Variants in HECTD4 observed in about 807,000 individuals in gnomAD.
HECTD4 encodes the protein HECT domain E3 ubiquitin protein ligase 4.
HECTD4 carries 114 observed loss-of-function variants against 471.5 expected under a neutral mutation model. The observed-to-expected ratio is 0.24, with a 90% CI of 0.21 to 0.28. HECTD4 has a LOEUF of 0.28. Ranked by LOEUF, HECTD4 falls within the 10% of genes least tolerant of loss-of-function variation. The pLI is 1.00. For missense variants in HECTD4, 3,866 were observed against 5,651.5 expected, an observed-to-expected ratio of 0.68 and a Z score of 10.13; for synonymous variants, 2,012 against 2,256.0, an observed-to-expected ratio of 0.89 and a Z score of 3.07.
chr12:112,353,369 G>T (rs906741376), intron 1 of HECTD4, among the ~76,000 whole-genome samples: 5 of 152,140 alleles, frequency 3.3e-5, no homozygotes, highest in African/African-American at 1.2e-4. Flanking sequence ...GAGAGAAAAG[G>T]CTCTAAAATT....
At chr12:112,177,465 C>T (rs999100891) in intron 64 of HECTD4, among the ~76,000 whole-genome samples, 5 of 151,272 alleles carry the variant, frequency 3.3e-5, no homozygotes, top group Non-Finnish European at 4.4e-5. Flanking sequence ...CTGCAAGCTC[C>T]GCCTCCCGGG....
At position 112,248,111 on chromosome 12, in the gene HECTD4, G is replaced by A. The variant is rs2033801869; in HGVS notation, c.4204C>T (p.Leu1402=). ...SEVDDAMQGK[L]ENNMPFFYDY... is the part of the protein sequence containing the mutation. ...TAAAAGAAAGGCATGTTGTTCTCCA[G>A]TTTCCCCTGCATGGCATCATCAACT... The change falls in exon 27 of 76, where the codon CTG becomes TTG. Residue 1402 remains leucine (L), a synonymous_variant. Coordinates refer to ENST00000682272, the MANE Select transcript of HECTD4 (RefSeq NM_001388303.1). 6.2e-7 allele frequency: 1 copy of A among 1,613,528 alleles called. No individual in the cohort carries two copies. Among genetic ancestry groups the A allele is most frequent in the Middle Eastern group, 1.7e-4 (1 of 6,058 alleles).
Position 112,306,139 on chromosome 12 carries a change from C to A in HECTD4, c.1260G>T (p.Trp420Cys), listed in dbSNP as rs2035266567. Residue 420 changes from tryptophan (W) to cysteine (C), a missense_variant, in exon 7 of 76, where the codon TGG (tryptophan) becomes TGT (cysteine). Trp to Cys is a radical substitution (Grantham distance 215, BLOSUM62 -2). This residue lies in a region of HECTD4 where 440 missense variants were observed against 636.0 expected (regional missense o/e 0.69). Transcript: ENST00000682272. ...CATTCAGGCTGGCAGGAGACCAGAT[C>A]CAATAGAAGTAAGTGCCATCTGAAG... ...HLSSDGTYFY[W>C]IWSPASLNEK... 1 of 1,612,842 alleles carries A rather than the reference C, an allele frequency of 6.2e-7. No individual in the cohort carries two copies.
At chr12:112,378,661 C>T (rs2036830059) in intron 1 of HECTD4, among the ~76,000 whole-genome samples, 1 of 152,092 alleles carries the variant, frequency 6.6e-6, no homozygotes, top group Non-Finnish European at 1.5e-5. Context: ...GGAAAATGGC[C>T]ATTATTCACC....
In HECTD4 at chr12:112,229,884, A is replaced by C. The variant is rs767272089; in HGVS notation, c.6337-4T>G. 1 of 1,611,246 alleles carries C rather than the reference A, an allele frequency of 6.2e-7. No individual in the cohort carries two copies. The highest frequency in any genetic ancestry group is 1.1e-5 in the South Asian group (1 of 90,842). On this transcript the variant is annotated splice_polypyrimidine_tract_variant and splice_region_variant and intron_variant, in intron 40 of 75. Transcript: ENST00000682272. Reference sequence around the variant, plus strand: ...ACATCAGTGCTCTAGACAGAACCTAAATATAGAAGCAGCCCGTGCACTAGG... The same window carrying C: ...ACATCAGTGCTCTAGACAGAACCTACATATAGAAGCAGCCCGTGCACTAGG...
chr12:112,310,037 C>T (rs1594032956), intron 4 of HECTD4, among the ~76,000 whole-genome samples: 1 of 152,090 alleles, frequency 6.6e-6, no homozygotes, highest in Admixed American at 6.5e-5. Context: ...CAGTACAACA[C>T]TTTTATTAGT....
chr12:112,254,597 A>G (rs1382150163), intron 21 of HECTD4, among the ~76,000 whole-genome samples: 1 of 152,232 alleles, frequency 6.6e-6, no homozygotes. Flanking sequence ...AAATATGGTT[A>G]TATCTAACAC....
At chr12:112,231,398 C>T (rs773768503) in intron 39 of HECTD4, 115 bp downstream of exon 39, 30 of 930,100 alleles carry the variant, frequency 3.2e-5, no homozygotes, top group Middle Eastern at 2.4e-4. Context: ...CAGCAGATGG[C>T]GGCCTCATTT....
At chr12:112,288,233 C>T (rs569428136) in intron 7 of HECTD4, among the ~76,000 whole-genome samples, 32 of 151,132 alleles carry the variant, frequency 2.1e-4, no homozygotes, top group Middle Eastern at 3.4e-3. Flanking sequence ...GCAGGAGAAC[C>T]GCTTGAACCC....
chr12:112,181,045 G>A (rs1274372499), intron 62 of HECTD4, among the ~76,000 whole-genome samples: 3 of 151,864 alleles, frequency 2.0e-5, no homozygotes, highest in African/African-American at 7.3e-5. Context: ...GCCTCCGCAG[G>A]ATTACCTGAG....
chr12:112,172,534 A>G (rs2031267608), intron 67 of HECTD4, 137 bp downstream of exon 67: 12 of 830,006 alleles, frequency 1.4e-5, no homozygotes, highest in South Asian at 5.1e-5. Flanking sequence ...TCTTCCTTGC[A>G]CACCTGGCGC....
chr12:112,338,310 C>T (rs979730205), intron 1 of HECTD4, among the ~76,000 whole-genome samples: 18 of 152,268 alleles, frequency 1.2e-4, no homozygotes, highest in African/African-American at 4.3e-4. Flanking sequence ...ATGTGTTAGG[C>T]CATTCTTGCA....
chr12:112,338,083 C>T (rs1268643790), intron 1 of HECTD4, among the ~76,000 whole-genome samples: 1 of 152,152 alleles, frequency 6.6e-6, no homozygotes, highest in Non-Finnish European at 1.5e-5. Context: ...GGGCTGAAAT[C>T]GAAGTGTCGG....
At chr12:112,295,504 T>A (rs1566102233) in intron 7 of HECTD4, among the ~76,000 whole-genome samples, 1 of 150,148 alleles carries the variant, frequency 6.7e-6, no homozygotes, top group African/African-American at 2.4e-5. Context: ...AATATTAATT[T>A]TTTTTTTTTT....
intron 11 of HECTD4, 39 bp downstream of exon 11, chr12:112,273,616 A>C: frequency 6.3e-7 from 1 of 1,599,800 alleles, no homozygotes; most frequent in Non-Finnish European, 8.6e-7. Flanking sequence ...CATATTTCAG[A>C]GGAAAATCTT....
intron 1 of HECTD4, among the ~76,000 whole-genome samples, chr12:112,374,847 T>C (rs568491022): frequency 6.6e-6 from 1 of 152,334 alleles, no homozygotes; most frequent in South Asian, 2.1e-4. Context: ...ATGCCCCTTT[T>C]CTTATCTGGC....
rs1228246517 is a variant in HECTD4, at chr12:112,228,834, A to G, written c.6520-23T>C. ...AACCTGGAGACAGACATAGATTAGC[A>G]CTACCAACCAGCTCTGACGTGTGGG... On this transcript the variant is annotated intron_variant, in intron 41 of 75. Transcript: ENST00000682272. The surrounding 1 kb of genome is among the most constrained non-coding windows in gnomAD (Gnocchi z 4.9). 1 of 1,610,014 alleles carries G rather than the reference A, an allele frequency of 6.2e-7. No individual in the cohort carries two copies.
Position 112,163,076 on chromosome 12 carries a change from G to A in HECTD4, c.13086C>T (p.Tyr4362=). The A allele has an allele frequency of 2.5e-6, 4 of 1,613,568 alleles. No individual in the cohort carries two copies. Among genetic ancestry groups the A allele is most frequent in the Non-Finnish European group, 3.4e-6 (4 of 1,179,680 alleles). ...GGPDTAHVPP[Y]PMKIAPPDGT... ...CATCTGGGGGGGCGATCTTCATGGG[G>A]TACGGGGGCACATGGGCAGTGTCGG... Residue 4362 remains tyrosine, a synonymous_variant, in exon 75 of 76, where the codon TAC becomes TAT. Transcript: ENST00000682272. The surrounding 1 kb of genome is among the most constrained non-coding windows in gnomAD (Gnocchi z 8.2).
At chr12:112,367,487 C>T (rs1003445773) in intron 1 of HECTD4, among the ~76,000 whole-genome samples, 1 of 151,806 alleles carries the variant, frequency 6.6e-6, no homozygotes, top group African/African-American at 2.4e-5. Context: ...GGTTCAGAAC[C>T]CCTGAGGGAA....
Sources: allele counts gnomAD v4.1 joint callset (sites outside exome capture counted in the v4.1 genomes callset), GRCh38; gene constraint gnomAD v4.1.1; regional missense constraint gnomAD v4.1.1; non-coding constraint Gnocchi (gnomAD v3.1); transcripts MANE v1.5; gene names NCBI Gene and HGNC (gene_info 2026-07-23, HGNC 2026-07-21).